HS6ST3: variants seen among roughly 807,000 people sequenced by gnomAD.
HS6ST3 encodes heparan sulfate 6-O-sulfotransferase 3, also known as heparan-sulfate 6-O-sulfotransferase 3.
HS6ST3 carries 12 observed loss-of-function variants against 36.7 expected under a neutral mutation model. That is an observed-to-expected ratio of 0.33 (90% CI 0.21 to 0.53). HS6ST3 has a LOEUF of 0.53. Among genes scored for constraint, HS6ST3 ranks in the 20% least tolerant of loss-of-function variants. The pLI, the probability that HS6ST3 is intolerant of heterozygous loss-of-function variation, is 0.95. For missense variants in HS6ST3, 584 were observed against 640.9 expected, an observed-to-expected ratio of 0.91 and a Z score of 0.96; for synonymous variants, 240 against 257.5, an observed-to-expected ratio of 0.93 and a Z score of 0.65.
In HS6ST3 at chr13:96,203,513, A is replaced by C. The variant is rs1160304348; in HGVS notation, c.707+111944A>C. On this transcript the variant is annotated intron_variant, in intron 1 of 1. Coordinates refer to ENST00000376705, the MANE Select transcript of HS6ST3 (RefSeq NM_153456.4). ...GGACATAAACATTCAGTCTATAGCA[A>C]ACACCATACTGTTAGACTATCCTAA... Among the ~76,000 whole-genome samples, 5 of 152,326 alleles carry C rather than the reference A, an allele frequency of 3.3e-5. No individual in the cohort carries two copies. In the South Asian group the frequency reaches 8.3e-4, roughly 25 times the overall value.
chr13:96,096,278 T>C (rs575173210), intron 1 of HS6ST3, among the ~76,000 whole-genome samples: 2 of 152,290 alleles, frequency 1.3e-5, no homozygotes, highest in South Asian at 4.1e-4. Flanking sequence ...CTGATGGGAT[T>C]TCAACTCAGA....
intron 1 of HS6ST3, among the ~76,000 whole-genome samples, chr13:96,258,276 T>G (rs2054647242): frequency 6.6e-6 from 1 of 152,202 alleles, no homozygotes; most frequent in African/African-American, 2.4e-5. Flanking sequence ...CTGGATAATA[T>G]GATCTCCGAA....
chr13:96,732,867 T>A (rs1472794771), intron 1 of HS6ST3, among the ~76,000 whole-genome samples: 1 of 152,218 alleles, frequency 6.6e-6, no homozygotes, highest in Non-Finnish European at 1.5e-5. Flanking sequence ...ACCTTGTTTG[T>A]TAAATTTATT....
chr13:96,594,941 G>A (rs80306028), intron 1 of HS6ST3, among the ~76,000 whole-genome samples: 2,651 of 152,232 alleles, frequency 0.017, 78 homozygotes, highest in African/African-American at 0.059. Flanking sequence ...GCTTGCTTGG[G>A]AAAATCTTTA....
chr13:96,259,148 GTGTGTGTCTGTGTGTT>G (rs1383771763), intron 1 of HS6ST3, among the ~76,000 whole-genome samples: 1 of 151,738 alleles, frequency 6.6e-6, no homozygotes, highest in African/African-American at 2.4e-5. Context: ...GTGTGTGTAT[GTGTGTGTCTGTGTGTT>G]TGTGTGTCCG....
chr13:96,711,909 T>C (rs1161158706), intron 1 of HS6ST3, among the ~76,000 whole-genome samples: 1 of 152,248 alleles, frequency 6.6e-6, no homozygotes, highest in Non-Finnish European at 1.5e-5. Flanking sequence ...TGCTGGTATG[T>C]TCTGCATAAA....
intron 1 of HS6ST3, among the ~76,000 whole-genome samples, chr13:96,699,079 C>T (rs967871674): frequency 6.6e-6 from 1 of 152,150 alleles, no homozygotes; most frequent in Admixed American, 6.5e-5. Context: ...CCCTTCCTTA[C>T]ACTTTATACA....
intron 1 of HS6ST3, among the ~76,000 whole-genome samples, chr13:96,252,940 C>G (rs1248716272): frequency 6.6e-6 from 1 of 152,094 alleles, no homozygotes; most frequent in Non-Finnish European, 1.5e-5. Context: ...GAACCATGAG[C>G]TAATTAAACC....
chr13:96,207,809 C>T (rs1193882197), intron 1 of HS6ST3, among the ~76,000 whole-genome samples: 1 of 152,064 alleles, frequency 6.6e-6, no homozygotes, highest in Non-Finnish European at 1.5e-5. Context: ...TGGGGAACAA[C>T]ACACACACTA....
chr13:96,720,290 G>T (rs1198715618), intron 1 of HS6ST3, among the ~76,000 whole-genome samples: 3 of 152,036 alleles, frequency 2.0e-5, no homozygotes, highest in African/African-American at 4.8e-5. Flanking sequence ...TTCTTCTTTT[G>T]TCTTACTCAT....
intron 1 of HS6ST3, among the ~76,000 whole-genome samples, chr13:96,720,155 T>C (rs1875807238): frequency 6.6e-6 from 1 of 152,212 alleles, no homozygotes; most frequent in African/African-American, 2.4e-5. Context: ...TATAAATGCC[T>C]GCAATGTATA....
chr13:96,322,383 G>GAAA (rs112941484), intron 1 of HS6ST3, among the ~76,000 whole-genome samples: 1 of 107,222 alleles, frequency 9.3e-6, no homozygotes, highest in Non-Finnish European at 1.9e-5. Flanking sequence ...CATCTCTCCA[G>GAAA]AAAAAAAAAA....
rs1555326624 is a variant in HS6ST3, at chr13:96,831,977, A to AAAAAC, written c.708-510_708-509insACAAA. ...CTCAAAAAAAAAAAAAAAAAAAAAA[A>AAAAAC]AAACAGAGATTAAGGAGAATACATG... On this transcript the variant is annotated intron_variant, in intron 1 of 1. Coordinates refer to ENST00000376705, the MANE Select transcript of HS6ST3 (RefSeq NM_153456.4). Among the ~76,000 whole-genome samples the AAAAAC allele has an allele frequency of 3.8e-3, 438 of 116,046 alleles. 45 individuals carry two copies. The highest frequency in any genetic ancestry group is 0.013 in the African/African-American group (384 of 30,630). The allele number at this position is 116,046 out of a possible 152,430, so 76.1% of individuals were successfully genotyped here. A position where few individuals can be genotyped will look rare whatever the true frequency, so the allele number is the denominator to read the frequency against.
At chr13:96,380,220 G>C (rs960211488) in intron 1 of HS6ST3, among the ~76,000 whole-genome samples, 2 of 150,960 alleles carry the variant, frequency 1.3e-5, no homozygotes, top group Non-Finnish European at 2.9e-5. Context: ...TGTGTTCCCA[G>C]ATGACATATG....
At chr13:96,577,484 T>C (rs528756101) in intron 1 of HS6ST3, among the ~76,000 whole-genome samples, 1 of 152,338 alleles carries the variant, frequency 6.6e-6, no homozygotes, top group African/African-American at 2.4e-5. Flanking sequence ...TATGTGTGCA[T>C]GTGTCTTTAT....
intron 1 of HS6ST3, among the ~76,000 whole-genome samples, chr13:96,787,156 T>A (rs1198984809): frequency 3.3e-5 from 5 of 152,208 alleles, no homozygotes; most frequent in Admixed American, 2.0e-4. Context: ...TTCCAGTTTT[T>A]AACAATTATG....
chr13:96,668,427 C>T (rs2056671384), intron 1 of HS6ST3, among the ~76,000 whole-genome samples: 1 of 152,142 alleles, frequency 6.6e-6, no homozygotes, highest in Non-Finnish European at 1.5e-5. Context: ...CTGTCTGATG[C>T]TAAAGCACAT....
chr13:96,734,504 A>G (rs971370976), intron 1 of HS6ST3, among the ~76,000 whole-genome samples: 1 of 152,220 alleles, frequency 6.6e-6, no homozygotes, highest in Non-Finnish European at 1.5e-5. Context: ...GGGAACTGAA[A>G]TTAAAATGGA....
chr13:96,271,648 G>A (rs2054720847), intron 1 of HS6ST3, among the ~76,000 whole-genome samples: 1 of 151,980 alleles, frequency 6.6e-6, no homozygotes, highest in Non-Finnish European at 1.5e-5. Flanking sequence ...GAAGGTCATG[G>A]ATGCAAGTGC....
Sources: allele counts gnomAD v4.1 joint callset (sites outside exome capture counted in the v4.1 genomes callset), GRCh38; gene constraint gnomAD v4.1.1; transcripts MANE v1.5; gene names NCBI Gene and HGNC (gene_info 2026-07-23, HGNC 2026-07-21).